The following CFAP418 variants were observed in gnomAD, a reference collection of about 807,000 sequenced individuals.
CFAP418 encodes cilia and flagella associated protein 418, also known as cilia- and flagella-associated protein 418.
Under a neutral mutation model 24.7 loss-of-function variants are expected in CFAP418, and 27 were observed. The ratio of observed to expected loss-of-function variants is 1.09; its 90% CI spans 0.81 to 1.51. The LOEUF (loss-of-function observed/expected upper bound fraction) is 1.51, where lower values mean the gene tolerates loss of function less well. CFAP418 is among the 40% of genes most tolerant of loss of function. CFAP418 has a pLI of 0.00. For synonymous variants in CFAP418, 74 were observed against 87.3 expected, an observed-to-expected ratio of 0.85 and a Z score of 0.85; for missense variants, 257 against 255.2, an observed-to-expected ratio of 1.01 and a Z score of -0.05.
chr8:95,260,690 C>T (rs1309954848), intron 2 of CFAP418, among the ~76,000 whole-genome samples, 158 bp from the exon 3 acceptor site: 1 of 152,026 alleles, frequency 6.6e-6, no homozygotes. Flanking sequence ...ATGATCAAAA[C>T]CTTTTAAAGG....
intron 1 of CFAP418, among the ~76,000 whole-genome samples, chr8:95,264,954 C>G (rs1428261889): frequency 6.6e-6 from 1 of 152,104 alleles, no homozygotes; most frequent in Non-Finnish European, 1.5e-5. Flanking sequence ...TTCAAAAAAC[C>G]CCTGTCTTGA....
chr8:95,268,759 G>A (rs1483285681), intron 1 of CFAP418: 3 of 195,982 alleles, frequency 1.5e-5, no homozygotes, highest in Non-Finnish European at 2.9e-5. Context: ...TGCGGGCGGG[G>A]CGGGGCGGGG....
At chr8:95,260,061 G>T (rs187574196) in intron 3 of CFAP418, among the ~76,000 whole-genome samples, 156 bp from the exon 4 acceptor site, 8 of 152,280 alleles carry the variant, frequency 5.3e-5, no homozygotes, top group Non-Finnish European at 1.2e-4. Flanking sequence ...TCAAAGAAGA[G>T]ATATTTATTG....
chr8:95,251,512 C>T (rs1441606409), intron 5 of CFAP418, among the ~76,000 whole-genome samples: 2 of 152,086 alleles, frequency 1.3e-5, no homozygotes, highest in Non-Finnish European at 2.9e-5. Context: ...GAATGCCATG[C>T]TAAGGAATTT....
chr8:95,253,300 ACT>A (rs1811737452), intron 4 of CFAP418, among the ~76,000 whole-genome samples: 1 of 150,406 alleles, frequency 6.6e-6, no homozygotes, highest in South Asian at 2.1e-4. Flanking sequence ...ACAAAGCGAG[ACT>A]CTGTCTCAAA....
rs1158351205 is a variant in CFAP418 at position 95,269,151 on chromosome 8, C to G, written c.39G>C (p.Glu13Asp). 8 of 1,614,254 alleles carry G rather than the reference C, an allele frequency of 5.0e-6. No homozygotes were observed. The highest frequency in any genetic ancestry group is 6.8e-6 in the Non-Finnish European group (8 of 1,180,042). The change falls in exon 1 of 6, where the codon GAG becomes GAC. Residue 13 changes from glutamate to aspartate, a missense_variant. Transcript: ENST00000286688. ...GAAGGTCAGGTGTGCAAAACTTGGA[C>G]TCGACTTCATCCAAGAGCTCGTCCA... The part of the protein sequence containing the change: ...EDLDELLDEV[E>D]SKFCTPDLLR...
At chr8:95,267,067 G>C (rs532001213) in intron 1 of CFAP418, among the ~76,000 whole-genome samples, 21 of 152,260 alleles carry the variant, frequency 1.4e-4, no homozygotes, top group African/African-American at 5.1e-4. Flanking sequence ...TGTGGGATAG[G>C]GATGGTAGAT....
chr8:95,268,180 C>G (rs1245219432), intron 1 of CFAP418, among the ~76,000 whole-genome samples: 1 of 152,178 alleles, frequency 6.6e-6, no homozygotes, highest in Non-Finnish European at 1.5e-5. Context: ...GGTGCGATGG[C>G]TCGCAACTGT....
At chr8:95,266,433 A>G (rs1286586192) in intron 1 of CFAP418, among the ~76,000 whole-genome samples, 1 of 152,182 alleles carries the variant, frequency 6.6e-6, no homozygotes, top group Non-Finnish European at 1.5e-5. Context: ...CCTGGTATCC[A>G]GATGTAGCAT....
At chr8:95,268,854 T>A (rs900419859) in intron 1 of CFAP418, 181 bp downstream of exon 1, 4 of 646,760 alleles carry the variant, frequency 6.2e-6, no homozygotes, top group Non-Finnish European at 1.1e-5. Flanking sequence ...GGTGCCAGAA[T>A]CCGCGAAGAG....
rs1207583593 is a variant in CFAP418 at position 95,247,360 on chromosome 8, CAG to C, written c.*255_*256del. On this transcript the variant is annotated 3_prime_UTR_variant, in exon 6 of 6. Transcript: ENST00000286688. ...ACTCCATAATCAAACCTCTATTAAACAGAAGACAGATTAGTAAAGAATGTAGA... is the reference window on the plus strand; with the variant it reads ...ACTCCATAATCAAACCTCTATTAAACAAGACAGATTAGTAAAGAATGTAGA... 5 of 454,582 alleles carry C rather than the reference CAG, an allele frequency of 1.1e-5. No individual in the cohort carries two copies. The highest frequency in any genetic ancestry group is 3.0e-5 in the South Asian group (1 of 32,962). The allele number at this position is 454,582 out of a possible 1,614,324, so 28.2% of individuals were successfully genotyped here.
At chr8:95,258,207 C>A (rs1269546320) in intron 4 of CFAP418, among the ~76,000 whole-genome samples, 2 of 151,570 alleles carry the variant, frequency 1.3e-5, no homozygotes, top group Non-Finnish European at 1.5e-5. Flanking sequence ...ATAGTGAAAC[C>A]CCGTCTCTAC....
At chr8:95,264,451 A>G (rs1157779163) in intron 1 of CFAP418, among the ~76,000 whole-genome samples, 1 of 152,178 alleles carries the variant, frequency 6.6e-6, no homozygotes. Flanking sequence ...TCTTTACATG[A>G]GTATATCTTT....
intron 4 of CFAP418, among the ~76,000 whole-genome samples, chr8:95,258,045 TAATGTG>T (rs1448486266): frequency 6.6e-6 from 1 of 152,056 alleles, no homozygotes; most frequent in African/African-American, 2.4e-5. Context: ...AGGCCCAGGC[TAATGTG>T]AGTGTTGTGT....
In CFAP418 at chr8:95,245,122, A is replaced by C. The variant is rs1811595796; in HGVS notation, c.*2495T>G. On this transcript the variant is annotated 3_prime_UTR_variant, in exon 6 of 6. Transcript: ENST00000286688. ...AAAAACAAACAGGCAAAACATCTTG[A>C]AAGTTTTATAGGCTTTGCATTTTAA... 2.0e-5 allele frequency: 3 copies of C among 152,314 alleles called. 1 individual carries two copies. The South Asian group carries it at 6.2e-4, about 32-fold the overall frequency. The allele number at this position is 152,314 out of a possible 1,614,324, so 9.4% of individuals were successfully genotyped here.
In CFAP418 at chr8:95,259,899, A is replaced by C; in HGVS notation, c.315T>G (p.Ser105Arg). Reference sequence around the variant, plus strand: ...TAGAGCTTCCACCAAGGTACACCGGACTGCAACTAGATGTGTTCAACAGAT... The same window carrying C: ...TAGAGCTTCCACCAAGGTACACCGGCCTGCAACTAGATGTGTTCAACAGAT... ...ASIEGLGKSC[S>R]PVYLGGSSIP... The change falls in exon 4 of 6, where the codon AGT (serine) becomes AGG (arginine). Residue 105 changes from serine to arginine, a missense_variant. Physicochemically the swap from Ser to Arg is moderately radical, Grantham distance 110. Transcript: ENST00000286688. 6.2e-7 allele frequency: 1 copy of C among 1,605,232 alleles called. No homozygotes were observed. Among genetic ancestry groups the C allele is most frequent in the Non-Finnish European group, 8.5e-7 (1 of 1,177,216 alleles).
chr8:95,251,068 A>T (rs1811699185), intron 5 of CFAP418, among the ~76,000 whole-genome samples: 1 of 152,236 alleles, frequency 6.6e-6, no homozygotes, highest in African/African-American at 2.4e-5. Flanking sequence ...TATAACTTGT[A>T]ACACCTTAAA....
chr8:95,260,890 A>G (rs550893547), intron 2 of CFAP418, among the ~76,000 whole-genome samples: 10 of 152,320 alleles, frequency 6.6e-5, no homozygotes, highest in South Asian at 2.1e-4. Context: ...GAAAAATTCA[A>G]TTGAGGAGGA....
intron 4 of CFAP418, 109 bp downstream of exon 4, chr8:95,259,731 C>T (rs1811853831): frequency 1.3e-6 from 1 of 793,524 alleles, no homozygotes; most frequent in South Asian, 1.7e-5. Context: ...ATAAAAATAC[C>T]TCTCCTTATA....
Sources: gnomAD v4.1 joint callset for allele counts (sites outside exome capture counted in the v4.1 genomes callset) on GRCh38, gnomAD v4.1.1 for gene constraint, MANE v1.5 for transcripts, NCBI Gene and HGNC (gene_info 2026-07-23, HGNC 2026-07-21) for gene names.